The following ELAVL1 variants were observed in gnomAD, a reference collection of about 807,000 sequenced individuals.
ELAVL1 encodes the protein ELAV-like protein 1.
ELAVL1 carries 1 observed loss-of-function variant against 28.4 expected under a neutral mutation model. The observed-to-expected ratio is 0.04, with a 90% CI of 0.01 to 0.17. The LOEUF is 0.17. Among genes scored for constraint, ELAVL1 ranks in the 10% least tolerant of loss-of-function variants. The pLI is 1.00. For missense variants in ELAVL1, 157 were observed against 447.2 expected, an observed-to-expected ratio of 0.35 and a Z score of 5.85; for synonymous variants, 174 against 183.5, an observed-to-expected ratio of 0.95 and a Z score of 0.42.
chr19:7,963,759 G>A lies in ELAVL1; in HGVS notation c.705C>T (p.Asn235=), dbSNP rs761703524. 4.0e-5 allele frequency: 65 copies of A among 1,614,148 alleles called. No homozygotes were observed. The East Asian group carries it at 4.2e-4, about 11-fold the overall frequency. Residue 235 remains asparagine, a synonymous_variant, in exon 6 of 6, where the codon AAC becomes AAT. Transcript: ENST00000407627. The surrounding 1 kb of genome is among the most constrained non-coding windows in gnomAD (Gnocchi z 4.5). ...AGCCGGAGGAGGCGTTTCCTGGCAC[G>A]TTGACGCCAGAGAGCCCGCTCATGT... ...VDHMSGLSGV[N]VPGNASSGWC... is the part of the protein sequence containing the mutation.
intron 4 of ELAVL1, among the ~76,000 whole-genome samples, chr19:7,969,929 G>A (rs1985059999): frequency 6.6e-6 from 1 of 152,066 alleles, no homozygotes; most frequent in Non-Finnish European, 1.5e-5. Flanking sequence ...ACTTTCTGAA[G>A]ATGGCTCTGC....
At chr19:7,999,458 C>T (rs1052242586) in intron 1 of ELAVL1, among the ~76,000 whole-genome samples, 1 of 152,212 alleles carries the variant, frequency 6.6e-6, no homozygotes, top group East Asian at 1.9e-4. Context: ...TTGCTGTAAA[C>T]CTTTGTTACT....
chr19:7,975,536 C>A (rs996895747), intron 3 of ELAVL1, among the ~76,000 whole-genome samples: 1 of 152,248 alleles, frequency 6.6e-6, no homozygotes, highest in African/African-American at 2.4e-5. Flanking sequence ...CCCGGCCCCT[C>A]GGCCAGAACC....
chr19:7,977,740 G>A (rs574613008), intron 3 of ELAVL1, among the ~76,000 whole-genome samples: 53 of 152,380 alleles, frequency 3.5e-4, no homozygotes, highest in African/African-American at 1.3e-3. Flanking sequence ...ACGGGGTGAA[G>A]GCAAGGCACG....
intron 3 of ELAVL1, among the ~76,000 whole-genome samples, chr19:7,974,110 C>G (rs948021503): frequency 6.6e-6 from 1 of 152,234 alleles, no homozygotes; most frequent in African/African-American, 2.4e-5. Flanking sequence ...TCACCATCCT[C>G]AAGGAGGCAG....
chr19:8,004,923 C>T (rs2081081721), intron 1 of ELAVL1, among the ~76,000 whole-genome samples: 1 of 152,124 alleles, frequency 6.6e-6, no homozygotes, highest in Non-Finnish European at 1.5e-5. Flanking sequence ...TAACGTCCCA[C>T]GCCCCACAAA....
rs1242002101 is a variant in ELAVL1 at position 7,981,789 on chromosome 19, C to T, written c.173-603G>A. Among the ~76,000 whole-genome samples the T allele has an allele frequency of 6.6e-6, 1 of 152,214 alleles. No individual in the cohort carries two copies. The highest frequency in any genetic ancestry group is 2.4e-5 in the African/African-American group (1 of 41,458). ...AAAGACCAGTCCCGTGGGTGCCGGC[C>T]GCTCTGTGGGGCCTGGGTGGTGAGG... On this transcript the variant is annotated intron_variant, in intron 2 of 5. Coordinates refer to ENST00000407627, the MANE Select transcript of ELAVL1 (RefSeq NM_001419.3). This position sits in a 1 kb window ranked among gnomAD's most constrained non-coding sequence, Gnocchi z 4.2.
At chr19:7,967,453 G>A (rs143110565) in intron 5 of ELAVL1, 112 bp downstream of exon 5, 75 of 1,191,640 alleles carry the variant, frequency 6.3e-5, no homozygotes, top group Non-Finnish European at 8.0e-5. Flanking sequence ...TCTGAAACGC[G>A]CTCTCTGACG....
rs1224389743 is a variant in ELAVL1 at position 7,963,915 on chromosome 19, G to A, written c.657-108C>T. 2.3e-5 allele frequency: 29 copies of A among 1,269,026 alleles called. No homozygotes were observed. Among genetic ancestry groups the A allele is most frequent in the Admixed American group, 2.6e-5 (1 of 38,570 alleles). The allele number at this position is 1,269,026 out of a possible 1,614,324, so 78.6% of individuals were successfully genotyped here. ...TGGCCGCTGGGCCCCATCCCGCTCT[G>A]CGCAGCCACGAGGTGCTCACGGTTG... On this transcript the variant is annotated intron_variant, in intron 5 of 5. Coordinates refer to ENST00000407627, the MANE Select transcript of ELAVL1 (RefSeq NM_001419.3). This position sits in a 1 kb window ranked among gnomAD's most constrained non-coding sequence, Gnocchi z 4.5.
At chr19:7,972,522 A>G (rs982327193) in intron 4 of ELAVL1, among the ~76,000 whole-genome samples, 19 of 152,360 alleles carry the variant, frequency 1.2e-4, no homozygotes, top group African/African-American at 4.6e-4. Context: ...TGTGCTCCCC[A>G]GAGAGGGGCA....
At chr19:7,971,605 C>T (rs972405455) in intron 4 of ELAVL1, among the ~76,000 whole-genome samples, 7 of 152,246 alleles carry the variant, frequency 4.6e-5, no homozygotes, top group African/African-American at 1.7e-4. Context: ...CACCGAGTAA[C>T]TGGCATCCCC....
chr19:7,988,900 G>A (rs1206650379), intron 2 of ELAVL1, among the ~76,000 whole-genome samples: 3 of 151,970 alleles, frequency 2.0e-5, no homozygotes, highest in African/African-American at 7.2e-5. Flanking sequence ...GGGAAGCCGG[G>A]AAGGGAAGGG....
At chr19:7,967,523 G>A in intron 5 of ELAVL1, 42 bp downstream of exon 5, 1 of 1,597,458 alleles carries the variant, frequency 6.3e-7, no homozygotes, top group South Asian at 1.1e-5. Context: ...CTGCCAGCGG[G>A]GCTAAGTATG....
chr19:7,959,157 G>A lies in ELAVL1; in HGVS notation c.*4326C>T, dbSNP rs755012988. ...ATTTAAAAAGCTTAAAAGTTACATA[G>A]GCATCTTCAAAAGAACACAATGGGA... On this transcript the variant is annotated 3_prime_UTR_variant, in exon 6 of 6. Coordinates refer to ENST00000407627, the MANE Select transcript of ELAVL1 (RefSeq NM_001419.3). 1 of 151,318 alleles carries A rather than the reference G, an allele frequency of 6.6e-6. No individual in the cohort carries two copies. The highest frequency in any genetic ancestry group is 2.4e-5 in the African/African-American group (1 of 40,932). 9.4% of individuals were successfully genotyped at this position (151,318 alleles called of 1,614,324 possible).
chr19:7,999,902 G>T (rs1414985969), intron 1 of ELAVL1, among the ~76,000 whole-genome samples: 1 of 152,092 alleles, frequency 6.6e-6, no homozygotes, highest in Admixed American at 6.5e-5. Context: ...TCAGCCTCCC[G>T]AGTAGCTGAG....
At chr19:7,995,167 AAAAC>A (rs759832528) in intron 1 of ELAVL1, among the ~76,000 whole-genome samples, 75 of 152,242 alleles carry the variant, frequency 4.9e-4, no homozygotes, top group Non-Finnish European at 9.0e-4. Context: ...CACTGGCTCA[AAAAC>A]AAACAAACAG....
chr19:7,987,716 C>G (rs1216268930), intron 2 of ELAVL1, among the ~76,000 whole-genome samples: 2 of 152,240 alleles, frequency 1.3e-5, no homozygotes, highest in Non-Finnish European at 2.9e-5. Context: ...CTTCACTCTG[C>G]AAACACCGAC....
intron 3 of ELAVL1, among the ~76,000 whole-genome samples, chr19:7,980,861 C>G (rs958896871): frequency 6.6e-6 from 1 of 152,126 alleles, no homozygotes; most frequent in Non-Finnish European, 1.5e-5. Context: ...CAGGGGAGGC[C>G]TGGGAGCTGA....
intron 1 of ELAVL1, chr19:8,002,003 C>G: frequency 1.6e-6 from 2 of 1,277,430 alleles, no homozygotes; most frequent in Non-Finnish European, 2.0e-6. Context: ...AGCCTCTCCA[C>G]CAGGGTGAGC....
Sources: allele counts gnomAD v4.1 joint callset (sites outside exome capture counted in the v4.1 genomes callset), GRCh38; gene constraint gnomAD v4.1.1; non-coding constraint Gnocchi (gnomAD v3.1); transcripts MANE v1.5; gene names NCBI Gene and HGNC (gene_info 2026-07-23, HGNC 2026-07-21).